The following ISM1 variants were observed in gnomAD, a reference collection of about 807,000 sequenced individuals.
ISM1 encodes the protein isthmin-1.
ISM1 carries 25 observed loss-of-function variants against 46.3 expected under a neutral mutation model. The observed-to-expected ratio is 0.54, with a 90% CI of 0.39 to 0.75. The LOEUF (loss-of-function observed/expected upper bound fraction) is 0.75, where lower values mean the gene tolerates loss of function less well. Ranked by LOEUF, ISM1 falls within the 30% of genes least tolerant of loss-of-function variation. The pLI is 0.00. For synonymous variants in ISM1, 255 were observed against 256.7 expected (o/e 0.99, Z 0.06); for missense variants, 536 against 625.4 (o/e 0.86, Z 1.52).
the ISM1 span, among the ~76,000 whole-genome samples, chr20:13,319,673 G>T: frequency 6.6e-6 from 1 of 152,204 alleles, no homozygotes; most frequent in African/African-American, 2.4e-5. Flanking sequence ...AATGCCTAAA[G>T]AAACATGGGT....
At chr20:13,311,588 G>A in the ISM1 span, among the ~76,000 whole-genome samples, 12 of 152,312 alleles carry the variant, frequency 7.9e-5, no homozygotes, top group East Asian at 2.3e-3. Flanking sequence ...TTCACATTAT[G>A]AGATGCTAGT....
At chr20:13,306,733 C>T in the ISM1 span, among the ~76,000 whole-genome samples, 1 of 152,098 alleles carries the variant, frequency 6.6e-6, no homozygotes, top group Middle Eastern at 3.4e-3. Flanking sequence ...TGACTTTTCC[C>T]AAAGAACCTT....
In ISM1 at chr20:13,280,000, T is replaced by C. The variant is rs151269105; in HGVS notation, c.643+102T>C. The C allele has an allele frequency of 2.2e-4, 269 of 1,209,768 alleles. No individual in the cohort carries two copies. In the East Asian group the frequency reaches 6.2e-3, roughly 28 times the overall value. 74.9% of individuals were successfully genotyped at this position (1,209,768 alleles called of 1,614,324 possible). On this transcript the variant is annotated intron_variant, in intron 3 of 5. Coordinates refer to ENST00000262487, the MANE Select transcript of ISM1 (RefSeq NM_080826.2). ...AAACCCTGCTTAGAGCATGTGGCTT[T>C]TGGTCTTCTGTGAGGCAAACCTCAC...
chr20:13,311,243 T>TAGATAGATAGATAGATGATAGATA, the ISM1 span, among the ~76,000 whole-genome samples: 1,134 of 127,826 alleles, frequency 8.9e-3, 11 homozygotes, highest in Middle Eastern at 0.015. Context: ...GATAGATAGA[T>TAGATAGATAGATAGATGATAGATA]GATAGATAGA....
At chr20:13,315,840 A>C in the ISM1 span, among the ~76,000 whole-genome samples, 1 of 152,050 alleles carries the variant, frequency 6.6e-6, no homozygotes, top group African/African-American at 2.4e-5. Flanking sequence ...AAACAATAAC[A>C]GAAAGCTGAA....
intron 4 of ISM1, 108 bp downstream of exon 4, chr20:13,288,791 C>CT (rs34117863): frequency 0.32 from 298,273 of 935,110 alleles, 15,191 homozygotes; most frequent in Admixed American, 0.37. Flanking sequence ...CTTTTCTTTT[C>CT]TTTTTTTTTT....
rs79004941 is a variant in ISM1, at chr20:13,240,693, G to A, written c.138+18779G>A. On this transcript the variant is annotated intron_variant, in intron 1 of 5. Coordinates refer to ENST00000262487, the MANE Select transcript of ISM1 (RefSeq NM_080826.2). ...CATCTGATCAGTGGATAATGAGAGGGAAGAACATAGATATGTTAGAAAATT... is the reference window on the plus strand; with the variant it reads ...CATCTGATCAGTGGATAATGAGAGGAAAGAACATAGATATGTTAGAAAATT... Among the ~76,000 whole-genome samples, 491 of 152,312 alleles carry A rather than the reference G, an allele frequency of 3.2e-3. 5 individuals carry two copies. The highest frequency in any genetic ancestry group is 0.011 in the African/African-American group (462 of 41,556).
At chr20:13,233,732 T>C (rs1240566039) in intron 1 of ISM1, among the ~76,000 whole-genome samples, 1 of 152,152 alleles carries the variant, frequency 6.6e-6, no homozygotes, top group Non-Finnish European at 1.5e-5. Flanking sequence ...CATAGGATTC[T>C]CATTATGAGG....
intron 1 of ISM1, among the ~76,000 whole-genome samples, chr20:13,254,865 C>A (rs769853673): frequency 5.3e-5 from 8 of 152,206 alleles, no homozygotes; most frequent in Non-Finnish European, 7.3e-5. Flanking sequence ...ACTTATTGGG[C>A]ATTGAAATCC....
intron 2 of ISM1, among the ~76,000 whole-genome samples, chr20:13,279,248 A>T (rs562766630): frequency 6.6e-6 from 1 of 152,222 alleles, no homozygotes; most frequent in South Asian, 2.1e-4. Flanking sequence ...GAACAAATAT[A>T]GTACATGTTT....
rs200765104 is a variant in ISM1, at chr20:13,297,451, C to CA, written c.878-1485dup. Among the ~76,000 whole-genome samples the CA allele has an allele frequency of 5.7e-4, 87 of 152,236 alleles. No individual in the cohort carries two copies. In the East Asian group the frequency reaches 0.016, roughly 29 times the overall value. On this transcript the variant is annotated intron_variant, in intron 5 of 5. Transcript: ENST00000262487. ...GCCTCTGTTTCCTGAAATCACTTCC[C>CA]AAAAAATCATTTTCACTGGAATCTT...
the ISM1 span, among the ~76,000 whole-genome samples, chr20:13,309,789 T>C: frequency 6.6e-6 from 1 of 152,086 alleles, no homozygotes; most frequent in Non-Finnish European, 1.5e-5. Context: ...CAGCAATGTT[T>C]CTATAAGCAA....
At chr20:13,271,507 C>T (rs2040115051) in intron 2 of ISM1, among the ~76,000 whole-genome samples, 1 of 152,156 alleles carries the variant, frequency 6.6e-6, no homozygotes, top group African/African-American at 2.4e-5. Context: ...GAGACAAAGC[C>T]CGTGTCATTT....
At chr20:13,269,676 C>T (rs953373660) in intron 1 of ISM1, among the ~76,000 whole-genome samples, 3 of 152,206 alleles carry the variant, frequency 2.0e-5, no homozygotes, top group Non-Finnish European at 2.9e-5. Context: ...TCAAGTGTCA[C>T]CTTCTCTGAG....
chr20:13,309,367 G>A, the ISM1 span, among the ~76,000 whole-genome samples: 1 of 151,586 alleles, frequency 6.6e-6, no homozygotes, highest in Admixed American at 6.6e-5. Flanking sequence ...TGACAAAATT[G>A]AATATTATTT....
the ISM1 span, among the ~76,000 whole-genome samples, chr20:13,310,441 C>T: frequency 6.6e-6 from 1 of 152,008 alleles, no homozygotes; most frequent in African/African-American, 2.4e-5. Flanking sequence ...GGATTAAAGA[C>T]TTAAATATAA....
intron 2 of ISM1, among the ~76,000 whole-genome samples, chr20:13,275,248 A>G (rs1329725755): frequency 6.6e-6 from 1 of 152,194 alleles, no homozygotes; most frequent in Non-Finnish European, 1.5e-5. Context: ...GCACAGACAT[A>G]TTAACATGGC....
At position 13,288,621 on chromosome 20, in the gene ISM1, G is replaced by A. The variant is rs369841084; in HGVS notation, c.725G>A (p.Arg242Gln). The change falls in exon 4 of 6, where the codon CGG (arginine) becomes CAG (glutamine). Residue 242 changes from arginine (R) to glutamine (Q), a missense_variant. Around this residue, in one of 2 missense-constraint regions of ISM1, gnomAD observed 367 missense variants for 376.1 expected, o/e 0.98. Transcript: ENST00000262487. ...GGGAACGGCAACCAGAAACGGACCC[G>A]GTCTTGTGGCTACGCGTGCACTGCA... ...TCGNGNQKRT[R>Q]SCGYACTATE... 6.2e-6 allele frequency: 10 copies of A among 1,613,870 alleles called. No individual in the cohort carries two copies. The highest frequency in any genetic ancestry group is 1.3e-5 in the African/African-American group (1 of 74,906).
At chr20:13,253,023 T>C (rs1375740771) in intron 1 of ISM1, among the ~76,000 whole-genome samples, 1 of 152,200 alleles carries the variant, frequency 6.6e-6, no homozygotes, top group Non-Finnish European at 1.5e-5. Flanking sequence ...CAACCTGTCC[T>C]TCCCCATGGA....
Sources: allele counts gnomAD v4.1 joint callset (sites outside exome capture counted in the v4.1 genomes callset), GRCh38; gene constraint gnomAD v4.1.1; regional missense constraint gnomAD v4.1.1; transcripts MANE v1.5; gene names NCBI Gene and HGNC (gene_info 2026-07-23, HGNC 2026-07-21).